The following USH2A variants were observed in gnomAD, a reference collection of about 807,000 sequenced individuals.
USH2A encodes the protein usherin.
In USH2A, 443 loss-of-function variants were observed where a neutral mutation model predicts 538.9. That is an observed-to-expected ratio of 0.82 (90% confidence interval 0.76 to 0.89). The LOEUF (loss-of-function observed/expected upper bound fraction) is 0.89, where lower values mean the gene tolerates loss of function less well. USH2A is among the 40% of genes least tolerant of loss of function. The pLI is 0.00. For missense variants in USH2A, 6,633 were observed against 6,324.8 expected (o/e 1.05, Z -1.65); for synonymous variants, 2,413 against 2,273.5 (o/e 1.06, Z -1.75).
intron 4 of USH2A, among the ~76,000 whole-genome samples, chr1:216,354,666 C>T (rs2038347776): frequency 6.6e-6 from 1 of 151,598 alleles, no homozygotes; most frequent in Admixed American, 6.6e-5. Context: ...AAAGACAAGT[C>T]AAATAGAAAG....
chr1:216,152,728 G>A (rs990027692), intron 21 of USH2A, among the ~76,000 whole-genome samples: 1 of 152,174 alleles, frequency 6.6e-6, no homozygotes, highest in African/African-American at 2.4e-5. Flanking sequence ...TGGTGATAAA[G>A]ACAGGAGGCA....
At chr1:216,189,212 G>GA (rs1318406106) in intron 20 of USH2A, among the ~76,000 whole-genome samples, 1 of 150,960 alleles carries the variant, frequency 6.6e-6, no homozygotes, top group East Asian at 2.0e-4. Context: ...TGAAAATTTT[G>GA]AAAAAAATAA....
At position 215,837,990 on chromosome 1, in the gene USH2A, C is replaced by G. The variant is rs41308425; in HGVS notation, c.9371+1G>C. The G allele has an allele frequency of 1.5e-5, 24 of 1,612,400 alleles. No individual in the cohort carries two copies. Among genetic ancestry groups the G allele is most frequent in the Non-Finnish European group, 1.7e-5 (20 of 1,178,516 alleles). On this transcript the variant is annotated splice_donor_variant, in intron 47 of 71. Coordinates refer to ENST00000307340, the MANE Select transcript of USH2A (RefSeq NM_206933.4). LOFTEE classifies it high-confidence loss of function. ...GATTTAACTGACACAAAATTTTGTA[C>G]CTTGAAGTGATGCCACGAATTGTGG...
intron 32 of USH2A, among the ~76,000 whole-genome samples, chr1:216,002,374 C>T (rs1668285071): frequency 2.0e-5 from 3 of 152,136 alleles, no homozygotes; most frequent in Admixed American, 6.6e-5. Flanking sequence ...TCATTGTTCT[C>T]ATCTGTCTGA....
chr1:215,852,676 A>G (rs1280580713), intron 44 of USH2A, among the ~76,000 whole-genome samples: 1 of 152,222 alleles, frequency 6.6e-6, no homozygotes, highest in Non-Finnish European at 1.5e-5. Context: ...GGGTACAGGC[A>G]TTGGGTAAAT....
chr1:216,064,141 T>G (rs907429174), intron 30 of USH2A, among the ~76,000 whole-genome samples: 1 of 152,250 alleles, frequency 6.6e-6, no homozygotes, highest in Admixed American at 6.5e-5. Flanking sequence ...AATTGTTTAT[T>G]GCTGTGCATC....
At chr1:216,296,964 A>G (rs1440928908) in intron 9 of USH2A, among the ~76,000 whole-genome samples, 1 of 151,902 alleles carries the variant, frequency 6.6e-6, no homozygotes, top group Non-Finnish European at 1.5e-5. Flanking sequence ...GTGAAAAGTA[A>G]CATCAAATGC....
intron 21 of USH2A, among the ~76,000 whole-genome samples, chr1:216,159,270 C>G (rs929150087): frequency 2.0e-5 from 3 of 152,048 alleles, no homozygotes; most frequent in African/African-American, 7.2e-5. Context: ...TGTCCTGTAC[C>G]TGACCTCTGG....
intron 21 of USH2A, chr1:216,174,072 T>A (rs1162917681): frequency 1.0e-6 from 1 of 985,054 alleles, no homozygotes; most frequent in African/African-American, 1.7e-5. Context: ...TCTCAATATA[T>A]CTCAGTTAGA....
At chr1:216,175,158 G>T (rs1572020736) in intron 21 of USH2A, 94 bp downstream of exon 21, 2 of 1,567,960 alleles carry the variant, frequency 1.3e-6, no homozygotes, top group African/African-American at 2.7e-5. Flanking sequence ...CTCTAAGTAG[G>T]TATAATAAAA....
At chr1:215,805,207 C>T (rs1662463735) in intron 49 of USH2A, among the ~76,000 whole-genome samples, 1 of 151,930 alleles carries the variant, frequency 6.6e-6, no homozygotes, top group Non-Finnish European at 1.5e-5. Context: ...ATGGGTGCAA[C>T]ATACCAACAT....
chr1:216,289,130 T>C, intron 11 of USH2A, 150 bp downstream of exon 11: 5 of 1,134,502 alleles, frequency 4.4e-6, no homozygotes, highest in Non-Finnish European at 6.5e-6. Context: ...ATACTCAAAG[T>C]TGCACACGAA....
chr1:216,353,732 C>T (rs1017127303), intron 4 of USH2A, among the ~76,000 whole-genome samples: 1 of 152,022 alleles, frequency 6.6e-6, no homozygotes, highest in Non-Finnish European at 1.5e-5. Context: ...TATAATAGTT[C>T]AACATCTGCT....
At chr1:215,756,566 C>A (rs893409525) in intron 58 of USH2A, among the ~76,000 whole-genome samples, 17 of 152,088 alleles carry the variant, frequency 1.1e-4, no homozygotes, top group South Asian at 2.1e-4. Flanking sequence ...TTGGCTCTAT[C>A]CAGCTTCATT....
chr1:215,900,789 T>C lies in USH2A; in HGVS notation c.7417A>G (p.Met2473Val). 6.2e-7 allele frequency: 1 copy of C among 1,613,740 alleles called. No individual in the cohort carries two copies. The highest frequency in any genetic ancestry group is 8.5e-7 in the Non-Finnish European group (1 of 1,179,778). Residue 2473 changes from methionine (M) to valine (V), a missense_variant, in exon 39 of 72, where the codon ATG (methionine) becomes GTG (valine). By Grantham distance (21) the Met-to-Val change is conservative. Transcript: ENST00000307340. ...CCATGGGTGGAGTCGCCAGACCTCATCTGGAGTTGGTATCTGGGAGAGCCA... is the reference window on the plus strand; with the variant it reads ...CCATGGGTGGAGTCGCCAGACCTCACCTGGAGTTGGTATCTGGGAGAGCCA... ...APGSPRYQLQMRSGDSTHGFL... is the reference protein window; with the variant it reads ...APGSPRYQLQVRSGDSTHGFL...
intron 44 of USH2A, among the ~76,000 whole-genome samples, chr1:215,864,723 C>T (rs747002554): frequency 1.3e-5 from 2 of 152,128 alleles, no homozygotes; most frequent in Non-Finnish European, 2.9e-5. Context: ...ACTGTGTTGC[C>T]AATTTGCAAC....
intron 44 of USH2A, among the ~76,000 whole-genome samples, chr1:215,854,038 A>G (rs1474001764): frequency 1.3e-5 from 2 of 152,156 alleles, no homozygotes; most frequent in Admixed American, 6.5e-5. Flanking sequence ...TACTGGTGCC[A>G]ACTTACTGTA....
chr1:216,275,132 T>TTCTC (rs199611465), intron 11 of USH2A, among the ~76,000 whole-genome samples: 2 of 151,632 alleles, frequency 1.3e-5, no homozygotes, highest in Admixed American at 6.6e-5. Flanking sequence ...CATTGCATTA[T>TTCTC]TCTCTCTCTC....
chr1:216,053,589 T>C (rs964948451), intron 30 of USH2A, among the ~76,000 whole-genome samples: 3 of 151,644 alleles, frequency 2.0e-5, no homozygotes, highest in Admixed American at 6.6e-5. Context: ...CTAGTCCCTC[T>C]AGGTAATGGA....
Sources: gnomAD v4.1 joint callset for allele counts (sites outside exome capture counted in the v4.1 genomes callset) on GRCh38, gnomAD v4.1.1 for gene constraint, MANE v1.5 for transcripts, NCBI Gene and HGNC (gene_info 2026-07-23, HGNC 2026-07-21) for gene names.